MAML2: variants seen among roughly 807,000 people sequenced by gnomAD.
MAML2 encodes the protein mastermind-like protein 2.
Under a neutral mutation model 96.1 loss-of-function variants are expected in MAML2, and 22 were observed. That is an observed-to-expected ratio of 0.23 (90% CI 0.16 to 0.33). The LOEUF is 0.33. Among genes scored for constraint, MAML2 ranks in the 10% least tolerant of loss-of-function variants. The pLI, the probability that MAML2 is intolerant of heterozygous loss-of-function variation, is 1.00. For missense variants in MAML2, 1,367 were observed against 1,392.4 expected, an observed-to-expected ratio of 0.98 and a Z score of 0.29; for synonymous variants, 561 against 521.3, an observed-to-expected ratio of 1.08 and a Z score of -1.04.
At chr11:96,263,226 T>C (rs116256700) in intron 1 of MAML2, among the ~76,000 whole-genome samples, 367 of 152,352 alleles carry the variant, frequency 2.4e-3, no homozygotes, top group African/African-American at 8.3e-3. Context: ...CCCCAAAATG[T>C]CATGTCCAAT....
intron 2 of MAML2, among the ~76,000 whole-genome samples, chr11:96,047,469 T>C (rs967746189): frequency 3.3e-5 from 5 of 152,204 alleles, no homozygotes; most frequent in African/African-American, 1.2e-4. Context: ...TGAGGATTCA[T>C]TGGAAATTTA....
rs148099359 is a variant in MAML2 at position 96,082,570 on chromosome 11, C to A, written c.2139+9322G>T. Among the ~76,000 whole-genome samples, 17 of 152,248 alleles carry A rather than the reference C, an allele frequency of 1.1e-4. No homozygotes were observed. The East Asian group carries it at 2.1e-3, about 19-fold the overall frequency. On this transcript the variant is annotated intron_variant, in intron 2 of 4. Coordinates refer to ENST00000524717, the MANE Select transcript of MAML2 (RefSeq NM_032427.4). ...GCATTCATAGGGAGGAGAGCTGACG[C>A]TGTGAGGTCGAGCCCCAGGAAATGA...
At chr11:96,157,650 G>A (rs774285475) in intron 1 of MAML2, among the ~76,000 whole-genome samples, 11 of 152,152 alleles carry the variant, frequency 7.2e-5, no homozygotes, top group Non-Finnish European at 1.5e-4. Flanking sequence ...TTACTTATCT[G>A]TATGTATCTA....
intron 1 of MAML2, among the ~76,000 whole-genome samples, chr11:96,250,547 C>T (rs140526469): frequency 3.3e-5 from 5 of 152,280 alleles, no homozygotes; most frequent in Non-Finnish European, 7.4e-5. Flanking sequence ...TCTCCCTATC[C>T]CTTTATATCT....
intron 2 of MAML2, among the ~76,000 whole-genome samples, chr11:96,049,641 GAAGT>G (rs1189756212): frequency 6.6e-6 from 1 of 152,160 alleles, no homozygotes; most frequent in Non-Finnish European, 1.5e-5. Flanking sequence ...TTTTTGCTAA[GAAGT>G]AAGGCCAATA....
intron 2 of MAML2, among the ~76,000 whole-genome samples, chr11:96,061,554 C>T (rs1859159731): frequency 1.3e-5 from 2 of 152,140 alleles, no homozygotes; most frequent in Non-Finnish European, 2.9e-5. Context: ...ATCAGAATTG[C>T]TTCCTTGGAA....
intron 1 of MAML2, among the ~76,000 whole-genome samples, chr11:96,125,536 G>A (rs1047339489): frequency 3.9e-5 from 6 of 152,170 alleles, no homozygotes; most frequent in South Asian, 2.1e-4. Flanking sequence ...GTGGACAGGG[G>A]AGAAGCAGGT....
At chr11:96,263,237 T>C (rs1328482546) in intron 1 of MAML2, among the ~76,000 whole-genome samples, 1 of 152,244 alleles carries the variant, frequency 6.6e-6, no homozygotes, top group Non-Finnish European at 1.5e-5. Context: ...CATGTCCAAT[T>C]CAGGTATGTT....
intron 3 of MAML2, among the ~76,000 whole-genome samples, chr11:95,987,023 A>C (rs1857838900): frequency 6.6e-6 from 1 of 152,232 alleles, no homozygotes; most frequent in South Asian, 2.1e-4. Context: ...AGGGTGTCTC[A>C]GTAGGAGAAT....
At chr11:96,312,240 A>AAAAAAAAAAAAAAT in intron 1 of MAML2, among the ~76,000 whole-genome samples, 1 of 150,826 alleles carries the variant, frequency 6.6e-6, no homozygotes, top group Non-Finnish European at 1.5e-5. Context: ...AAAAAAAAAA[A>AAAAAAAAAAAAAAT]AAAAGAATGA....
intron 1 of MAML2, among the ~76,000 whole-genome samples, chr11:96,177,916 T>TTGTGTG (rs58447778): frequency 0.075 from 10,507 of 139,764 alleles, 417 homozygotes; most frequent in African/African-American, 0.084. Flanking sequence ...GAGACCTTAG[T>TTGTGTG]TGTGTGTGTG....
intron 1 of MAML2, among the ~76,000 whole-genome samples, chr11:96,298,691 ATGTG>A (rs1279837225): frequency 6.7e-6 from 1 of 148,652 alleles, no homozygotes; most frequent in Non-Finnish European, 1.5e-5. Flanking sequence ...TTCTATGTAT[ATGTG>A]TGTATGTGTG....
At chr11:96,130,918 A>G (rs1176610835) in intron 1 of MAML2, among the ~76,000 whole-genome samples, 1 of 152,186 alleles carries the variant, frequency 6.6e-6, no homozygotes, top group African/African-American at 2.4e-5. Context: ...TGTTAGAAAT[A>G]TTTATTAAAT....
intron 2 of MAML2, among the ~76,000 whole-genome samples, chr11:96,073,465 C>T (rs11021422): frequency 0.73 from 111,037 of 151,640 alleles, 41,612 homozygotes; most frequent in Non-Finnish European, 0.83. Flanking sequence ...GGACTACAGG[C>T]GCCCGCCACC....
chr11:96,014,233 C>T (rs984252909), intron 2 of MAML2, among the ~76,000 whole-genome samples: 1 of 152,192 alleles, frequency 6.6e-6, no homozygotes, highest in African/African-American at 2.4e-5. Context: ...TAGTATACAG[C>T]TGCAGTTTCT....
At chr11:96,261,640 G>A (rs1434272398) in intron 1 of MAML2, among the ~76,000 whole-genome samples, 1 of 152,184 alleles carries the variant, frequency 6.6e-6, no homozygotes, top group African/African-American at 2.4e-5. Context: ...ACTTTTGAAA[G>A]GAACACAACA....
intron 1 of MAML2, among the ~76,000 whole-genome samples, chr11:96,214,186 TAAAA>T (rs888486148): frequency 6.6e-6 from 1 of 152,224 alleles, no homozygotes; most frequent in African/African-American, 2.4e-5. Context: ...AGTTGAATAA[TAAAA>T]AATGAATACT....
intron 3 of MAML2, among the ~76,000 whole-genome samples, chr11:95,989,030 T>C (rs1857869922): frequency 1.3e-5 from 2 of 152,256 alleles, no homozygotes. Context: ...TCCAGCTTGG[T>C]GCCTGGCATA....
At chr11:96,011,902 G>C (rs1042663707) in intron 2 of MAML2, among the ~76,000 whole-genome samples, 1 of 152,154 alleles carries the variant, frequency 6.6e-6, no homozygotes, top group African/African-American at 2.4e-5. Context: ...TAGAAGTCAA[G>C]AGAAATGGTA....
Sources: allele counts gnomAD v4.1 joint callset (sites outside exome capture counted in the v4.1 genomes callset), GRCh38; gene constraint gnomAD v4.1.1; transcripts MANE v1.5; gene names NCBI Gene and HGNC (gene_info 2026-07-23, HGNC 2026-07-21).